The following SCRG1 variants were observed in gnomAD, a reference collection of about 807,000 sequenced individuals.
The protein encoded by SCRG1 is stimulator of chondrogenesis 1.
SCRG1 carries 3 observed loss-of-function variants against 7.7 expected under a neutral mutation model. That is an observed-to-expected ratio of 0.39 (90% confidence interval 0.18 to 1.01). The LOEUF (loss-of-function observed/expected upper bound fraction) is 1.01, where lower values mean the gene tolerates loss of function less well. SCRG1 is among the 50% of genes least tolerant of loss of function. SCRG1 has a pLI of 0.36. For missense variants in SCRG1, 110 were observed against 117.2 expected (o/e 0.94, Z 0.28); for synonymous variants, 46 against 41.2 (o/e 1.12, Z -0.44).
the SCRG1 span, among the ~76,000 whole-genome samples, chr4:173,457,137 C>T: frequency 2.6e-5 from 4 of 152,232 alleles, no homozygotes; most frequent in Admixed American, 2.0e-4. Context: ...GCCTGAGCTC[C>T]TTCATGACCC....
chr4:173,427,638 C>T, the SCRG1 span, among the ~76,000 whole-genome samples: 4 of 152,182 alleles, frequency 2.6e-5, no homozygotes, highest in Admixed American at 6.5e-5. Context: ...GTAGGAGGAG[C>T]GCAGACTGAA....
the SCRG1 span, among the ~76,000 whole-genome samples, chr4:173,411,495 G>C: frequency 1.3e-5 from 2 of 152,148 alleles, no homozygotes; most frequent in Non-Finnish European, 2.9e-5. Context: ...CACATCAGCT[G>C]AATCACCATC....
At chr4:173,400,845 G>T (rs565248812), upstream of SCRG1, among the ~76,000 whole-genome samples, 62 of 152,284 alleles carry the variant, frequency 4.1e-4, no homozygotes, top group South Asian at 0.012. Context: ...CCACCATTAT[G>T]CTGTACTGCC....
chr4:173,517,015 A>C, the SCRG1 span, among the ~76,000 whole-genome samples: 1 of 152,226 alleles, frequency 6.6e-6, no homozygotes, highest in African/African-American at 2.4e-5. Context: ...AAACGAGGAG[A>C]AAACGAGCAA....
the SCRG1 span, among the ~76,000 whole-genome samples, chr4:173,460,215 C>T: frequency 6.6e-6 from 1 of 152,170 alleles, no homozygotes; most frequent in East Asian, 1.9e-4. Flanking sequence ...CCTGAATCGC[C>T]ACTGAATTGC....
Position 173,405,271 on chromosome 4 carries a change from G to A in SCRG1, c.-747-839C>T, listed in dbSNP as rs187195819. On this transcript the variant is annotated intron_variant and NMD_transcript_variant, in intron 1 of 8. Coordinates refer to the SCRG1 transcript ENST00000512188. Reference sequence around the variant, plus strand: ...AATATTGGTCTTATGGTTAAACTTGGGTTATGTGTTTGTAGAAAGAGGACC... The same window carrying A: ...AATATTGGTCTTATGGTTAAACTTGAGTTATGTGTTTGTAGAAAGAGGACC... 2.0e-3 allele frequency among the ~76,000 whole-genome samples: 308 copies of A among 152,178 alleles called. 2 individuals are homozygous for A. The highest frequency in any genetic ancestry group is 7.0e-3 in the African/African-American group (289 of 41,506).
chr4:173,462,094 T>C, the SCRG1 span, among the ~76,000 whole-genome samples: 1 of 152,154 alleles, frequency 6.6e-6, no homozygotes, highest in African/African-American at 2.4e-5. Flanking sequence ...AAATCTGTAA[T>C]TGGCCTTAAA....
At chr4:173,430,924 C>T in the SCRG1 span, among the ~76,000 whole-genome samples, 7 of 150,282 alleles carry the variant, frequency 4.7e-5, no homozygotes, top group African/African-American at 1.7e-4. Flanking sequence ...TAGAAAGAGA[C>T]TAGAAAATAG....
chr4:173,426,557 G>C, the SCRG1 span, among the ~76,000 whole-genome samples: 3 of 152,168 alleles, frequency 2.0e-5, no homozygotes, highest in African/African-American at 7.2e-5. Flanking sequence ...GCCTCAACTA[G>C]GCTCAAGCGA....
At chr4:173,485,863 G>T in the SCRG1 span, among the ~76,000 whole-genome samples, 2 of 152,020 alleles carry the variant, frequency 1.3e-5, no homozygotes, top group African/African-American at 4.8e-5. Context: ...CCAGCTACTC[G>T]CGAGGCTGAG....
chr4:173,505,869 T>G, the SCRG1 span, among the ~76,000 whole-genome samples: 1 of 152,228 alleles, frequency 6.6e-6, no homozygotes, highest in Non-Finnish European at 1.5e-5. The surrounding 1 kb of genome is among the most constrained non-coding windows in gnomAD (Gnocchi z 4.4). Context: ...GCTCCACACT[T>G]CGTTCTTTCC....
chr4:173,442,333 G>C, the SCRG1 span, among the ~76,000 whole-genome samples: 1 of 152,186 alleles, frequency 6.6e-6, no homozygotes, highest in Admixed American at 6.5e-5. Context: ...GTGCCTCTTA[G>C]AGCTTCCTGC....
chr4:173,480,733 T>C, the SCRG1 span, among the ~76,000 whole-genome samples: 1 of 152,184 alleles, frequency 6.6e-6, no homozygotes, highest in African/African-American at 2.4e-5. Context: ...TGGCATATAT[T>C]GGTATTTGGT....
the SCRG1 span, among the ~76,000 whole-genome samples, chr4:173,454,090 A>AAAAC: frequency 6.6e-6 from 1 of 151,706 alleles, no homozygotes; most frequent in Non-Finnish European, 1.5e-5. Context: ...AAAAAAAAAA[A>AAAAC]AAAGAACTGA....
chr4:173,439,723 T>C, the SCRG1 span, among the ~76,000 whole-genome samples: 1 of 152,080 alleles, frequency 6.6e-6, no homozygotes. Flanking sequence ...CTTACCACGA[T>C]AGGTAAAGGT....
At chr4:173,428,957 T>A in the SCRG1 span, among the ~76,000 whole-genome samples, 8 of 152,244 alleles carry the variant, frequency 5.3e-5, no homozygotes, top group Non-Finnish European at 1.0e-4. Context: ...CTAATTATTA[T>A]TACTCAATTC....
In SCRG1 at chr4:173,391,303, A is replaced by T. The variant is rs539254437; in HGVS notation, c.112T>A (p.Cys38Ser). Residue 38 changes from cysteine to serine, a missense_variant, in exon 2 of 3, where the codon TGT becomes AGT. Coordinates refer to ENST00000296506, the MANE Select transcript of SCRG1 (RefSeq NM_007281.4). ...GCTACTCCTTCCGGAAGGTTGTGACAGTTGTGATCTTTTAGTATCTTTCTG... is the reference window on the plus strand; with the variant it reads ...GCTACTCCTTCCGGAAGGTTGTGACTGTTGTGATCTTTTAGTATCTTTCTG... ...CYRKILKDHN[C>S]HNLPEGVADL... The T allele has an allele frequency of 2.5e-6, 4 of 1,614,182 alleles. No homozygotes were observed. The highest frequency in any genetic ancestry group is 1.6e-4 in the Middle Eastern group (1 of 6,062).
At position 173,385,147 on chromosome 4, in the gene SCRG1, T is replaced by G. The variant is rs1000288608; in HGVS notation, c.*3194A>C. 5.3e-5 allele frequency: 8 copies of G among 152,174 alleles called. No individual in the cohort carries two copies. The highest frequency in any genetic ancestry group is 1.9e-4 in the African/African-American group (8 of 41,434). The allele number at this position is 152,174 out of a possible 1,614,324, so 9.4% of individuals were successfully genotyped here. ...TGCTGCAAGATGGTGTTTAGAAGAA[T>G]AATAAAATTTTAATAAAAGCTTAGT... On this transcript the variant is annotated 3_prime_UTR_variant, in exon 3 of 3. Transcript: ENST00000296506.
the SCRG1 span, among the ~76,000 whole-genome samples, chr4:173,484,949 A>AT: frequency 3.1e-4 from 17 of 54,034 alleles, no homozygotes; most frequent in Non-Finnish European, 1.3e-4. Flanking sequence ...TATATTATAT[A>AT]TAATATTATA....
Sources: allele counts gnomAD v4.1 joint callset (sites outside exome capture counted in the v4.1 genomes callset), GRCh38; gene constraint gnomAD v4.1.1; non-coding constraint Gnocchi (gnomAD v3.1); transcripts MANE v1.5; gene names NCBI Gene and HGNC (gene_info 2026-07-23, HGNC 2026-07-21).